The following RORA variants were observed in gnomAD, a reference collection of about 807,000 sequenced individuals.
The protein encoded by RORA is RAR related orphan receptor A, also known as nuclear receptor ROR-alpha.
Under a neutral mutation model 69.5 loss-of-function variants are expected in RORA, and 7 were observed. The observed-to-expected ratio is 0.10, with a 90% CI of 0.06 to 0.19. RORA has a LOEUF of 0.19. Among genes scored for constraint, RORA ranks in the 10% least tolerant of loss-of-function variants. The pLI is 1.00. For missense variants in RORA, 457 were observed against 663.0 expected, an observed-to-expected ratio of 0.69 and a Z score of 3.41; for synonymous variants, 261 against 240.8, an observed-to-expected ratio of 1.08 and a Z score of -0.78.
chr15:61,107,140 G>A (rs1281104884), intron 1 of RORA, among the ~76,000 whole-genome samples: 2 of 152,146 alleles, frequency 1.3e-5, no homozygotes, highest in Admixed American at 1.3e-4. Flanking sequence ...TATCCAATGA[G>A]CTGGAATCAC....
intron 1 of RORA, among the ~76,000 whole-genome samples, chr15:61,127,948 C>A (rs530626588): frequency 6.6e-6 from 1 of 152,164 alleles, no homozygotes; most frequent in Non-Finnish European, 1.5e-5. Context: ...TGAGGCCACA[C>A]TGTATGCATC....
intron 1 of RORA, among the ~76,000 whole-genome samples, chr15:61,057,350 A>T (rs891634328): frequency 3.9e-5 from 6 of 152,364 alleles, no homozygotes; most frequent in Non-Finnish European, 7.3e-5. Flanking sequence ...CCCCCAATGC[A>T]GAAATACACA....
intron 2 of RORA, chr15:60,598,306 G>T (rs191522140): frequency 4.6e-5 from 7 of 152,148 alleles, no homozygotes; most frequent in Admixed American, 2.0e-4. Context: ...TGAAACTCGT[G>T]TGTGTGTGTC....
chr15:61,173,174 G>A (rs1596045675), intron 1 of RORA, among the ~76,000 whole-genome samples: 2 of 152,038 alleles, frequency 1.3e-5, no homozygotes, highest in African/African-American at 4.8e-5. Flanking sequence ...CCTATGAGCT[G>A]GGTACCACTA....
intron 1 of RORA, among the ~76,000 whole-genome samples, chr15:61,039,608 G>A (rs1364404321): frequency 5.3e-5 from 8 of 151,888 alleles, no homozygotes; most frequent in African/African-American, 1.7e-4. Flanking sequence ...AGCTGGGTGT[G>A]GTGGTGCACA....
intron 1 of RORA, among the ~76,000 whole-genome samples, chr15:60,841,692 C>T (rs867575963): frequency 1.3e-5 from 2 of 152,190 alleles, no homozygotes; most frequent in African/African-American, 2.4e-5. Flanking sequence ...AGCCAACACC[C>T]CTCCACACAC....
chr15:61,006,483 AG>A (rs1894917979), intron 1 of RORA, among the ~76,000 whole-genome samples: 1 of 152,232 alleles, frequency 6.6e-6, no homozygotes, highest in Non-Finnish European at 1.5e-5. Flanking sequence ...TCTGAAGCCC[AG>A]GAACAGCCAC....
At chr15:60,515,973 TTA>T (rs1160436999) in intron 3 of RORA, among the ~76,000 whole-genome samples, 39 of 16,770 alleles carry the variant, frequency 2.3e-3, no homozygotes, top group African/African-American at 7.7e-3. Flanking sequence ...TTATATATAT[TTA>T]TATATTTATA....
chr15:60,817,954 T>C (rs2072839939), intron 1 of RORA, among the ~76,000 whole-genome samples: 1 of 152,202 alleles, frequency 6.6e-6, no homozygotes, highest in South Asian at 2.1e-4. Flanking sequence ...TTTCTTTTAC[T>C]CAATGCCCTG....
chr15:60,952,650 GACAA>G (rs1257891315), intron 1 of RORA, among the ~76,000 whole-genome samples: 2 of 152,054 alleles, frequency 1.3e-5, no homozygotes, highest in Non-Finnish European at 2.9e-5. Flanking sequence ...ACCAATAACA[GACAA>G]ACAGAGAGCC....
At chr15:60,667,249 G>A (rs1224612674) in intron 2 of RORA, among the ~76,000 whole-genome samples, 4 of 152,200 alleles carry the variant, frequency 2.6e-5, no homozygotes, top group Non-Finnish European at 5.9e-5. Context: ...CAAGTGCCAA[G>A]CCACACCTTG....
intron 1 of RORA, among the ~76,000 whole-genome samples, chr15:61,203,435 T>C (rs2079912626): frequency 6.6e-6 from 1 of 152,208 alleles, no homozygotes; most frequent in African/African-American, 2.4e-5. Flanking sequence ...ACTTCATGTA[T>C]ATTAAACTAC....
At chr15:61,204,253 A>G (rs964108122) in intron 1 of RORA, among the ~76,000 whole-genome samples, 3 of 152,240 alleles carry the variant, frequency 2.0e-5, no homozygotes, top group African/African-American at 7.2e-5. Context: ...GAACTCCATG[A>G]CAGCAGGACC....
intron 1 of RORA, among the ~76,000 whole-genome samples, chr15:61,200,680 A>G (rs897825159): frequency 1.3e-5 from 2 of 152,138 alleles, no homozygotes; most frequent in African/African-American, 4.8e-5. Context: ...ACAGGCTTAA[A>G]CTTTATCAAC....
chr15:61,070,284 T>C (rs376603555), intron 1 of RORA, among the ~76,000 whole-genome samples: 5 of 152,174 alleles, frequency 3.3e-5, no homozygotes, highest in African/African-American at 1.2e-4. Context: ...TATGCCCCCA[T>C]GGGATCCTAG....
intron 1 of RORA, among the ~76,000 whole-genome samples, chr15:61,170,246 G>C (rs1169895742): frequency 6.6e-6 from 1 of 152,176 alleles, no homozygotes; most frequent in African/African-American, 2.4e-5. Flanking sequence ...GAGTTGGCAG[G>C]CTTGTATTTC....
chr15:60,630,457 A>G (rs933991136), intron 2 of RORA: 1 of 152,224 alleles, frequency 6.6e-6, no homozygotes, highest in Non-Finnish European at 1.5e-5. Flanking sequence ...CAGCTTTGAA[A>G]AAGGAAGATA....
chr15:60,742,341 C>T (rs2071585417), intron 1 of RORA, among the ~76,000 whole-genome samples: 1 of 152,078 alleles, frequency 6.6e-6, no homozygotes, highest in African/African-American at 2.4e-5. Context: ...ACAAACCCCA[C>T]TACACACAGA....
chr15:60,723,841 G>A (rs2071323589), intron 1 of RORA, among the ~76,000 whole-genome samples: 1 of 152,196 alleles, frequency 6.6e-6, no homozygotes, highest in South Asian at 2.1e-4. Flanking sequence ...CCACAAGGAG[G>A]GTGAGAGAAA....
Sources: gnomAD v4.1 joint callset for allele counts (sites outside exome capture counted in the v4.1 genomes callset) on GRCh38, gnomAD v4.1.1 for gene constraint, MANE v1.5 for transcripts, NCBI Gene and HGNC (gene_info 2026-07-23, HGNC 2026-07-21) for gene names.